CCDC85A: variants seen among roughly 807,000 people sequenced by gnomAD.
CCDC85A encodes the protein coiled-coil domain containing 85A, also known as coiled-coil domain-containing protein 85A.
Under a neutral mutation model 50.2 loss-of-function variants are expected in CCDC85A, and 38 were observed. The ratio of observed to expected loss-of-function variants is 0.76; its 90% CI spans 0.58 to 0.99. CCDC85A has a LOEUF of 0.99. Among genes scored for constraint, CCDC85A ranks in the 50% least tolerant of loss-of-function variants. CCDC85A has a pLI of 0.00. For synonymous variants in CCDC85A, 366 were observed against 301.4 expected (o/e 1.21, Z -2.22); for missense variants, 820 against 742.0 (o/e 1.11, Z -1.22).
intron 2 of CCDC85A, among the ~76,000 whole-genome samples, chr2:56,276,932 C>T (rs1030105671): frequency 2.6e-5 from 4 of 152,124 alleles, no homozygotes; most frequent in Admixed American, 2.0e-4. Flanking sequence ...AGCATCTAGC[C>T]AGTGCTAACT....
intron 1 of CCDC85A, 142 bp downstream of exon 1, chr2:56,185,042 C>T (rs1675947965): frequency 1.9e-6 from 2 of 1,031,402 alleles, no homozygotes; most frequent in African/African-American, 1.7e-5. Flanking sequence ...ACCCCCAGTC[C>T]CCAGCCCCTG....
At chr2:56,272,411 C>G (rs993117942) in intron 2 of CCDC85A, among the ~76,000 whole-genome samples, 1 of 152,108 alleles carries the variant, frequency 6.6e-6, no homozygotes, top group Non-Finnish European at 1.5e-5. Context: ...CAAGTCTGAA[C>G]ACTCCCCAAA....
At chr2:56,372,561 G>A (rs1449410636) in intron 4 of CCDC85A, 83 bp downstream of exon 4, 2 of 1,357,468 alleles carry the variant, frequency 1.5e-6, no homozygotes, top group Non-Finnish European at 1.9e-6. Context: ...TTATACTGGG[G>A]GGTAGAAAAC....
chr2:56,271,844 A>G (rs942726026), intron 2 of CCDC85A, among the ~76,000 whole-genome samples: 1 of 152,186 alleles, frequency 6.6e-6, no homozygotes, highest in African/African-American at 2.4e-5. Flanking sequence ...TAGTCGTATC[A>G]GTAGCTTTCT....
rs372078630 is a variant in CCDC85A, at chr2:56,294,983, G to T, written c.1241-47896G>T. 7.9e-4 allele frequency among the ~76,000 whole-genome samples: 120 copies of T among 152,284 alleles called. 2 individuals carry two copies. The South Asian group carries it at 0.012, about 16-fold the overall frequency. On this transcript the variant is annotated intron_variant, in intron 2 of 5. Coordinates refer to ENST00000407595, the MANE Select transcript of CCDC85A (RefSeq NM_001080433.2). ...CTGAGGACTAAATACATGATAGCAT[G>T]AACTAAAGTCATTGAATTGTCTGCA...
chr2:56,205,195 G>A (rs1050822664), intron 2 of CCDC85A, among the ~76,000 whole-genome samples: 1 of 152,122 alleles, frequency 6.6e-6, no homozygotes, highest in East Asian at 1.9e-4. Flanking sequence ...AGATGGGAGA[G>A]TGTGGCTTAT....
intron 5 of CCDC85A, among the ~76,000 whole-genome samples, chr2:56,376,146 G>A (rs1475749551): frequency 7.2e-6 from 1 of 138,060 alleles, no homozygotes. Context: ...TGAATCTCTA[G>A]TTTTATCGTT....
intron 4 of CCDC85A, among the ~76,000 whole-genome samples, chr2:56,375,062 G>C (rs1558665414): frequency 6.6e-6 from 1 of 152,126 alleles, no homozygotes; most frequent in South Asian, 2.1e-4. Flanking sequence ...GTAGATAACT[G>C]ATACTCTCTT....
At chr2:56,271,674 C>A (rs1296185586) in intron 2 of CCDC85A, among the ~76,000 whole-genome samples, 2 of 152,152 alleles carry the variant, frequency 1.3e-5, no homozygotes, top group Non-Finnish European at 2.9e-5. Flanking sequence ...AGGAGGTCTC[C>A]GTTGCTGAAC....
At chr2:56,263,155 A>C (rs1362134254) in intron 2 of CCDC85A, among the ~76,000 whole-genome samples, 1 of 152,218 alleles carries the variant, frequency 6.6e-6, no homozygotes, top group Non-Finnish European at 1.5e-5. Flanking sequence ...GAAATACAGT[A>C]TAATCCTAAA....
At chr2:56,321,803 A>G (rs868861707) in intron 2 of CCDC85A, among the ~76,000 whole-genome samples, 2 of 152,216 alleles carry the variant, frequency 1.3e-5, no homozygotes, top group Non-Finnish European at 2.9e-5. Flanking sequence ...TTTAAAGTTC[A>G]TATGGAACCA....
At chr2:56,202,406 A>G (rs1484972930) in intron 2 of CCDC85A, among the ~76,000 whole-genome samples, 1 of 152,168 alleles carries the variant, frequency 6.6e-6, no homozygotes, top group African/African-American at 2.4e-5. Flanking sequence ...TCCTTACCCC[A>G]AGGCCATATT....
At chr2:56,309,848 G>A (rs1307460465) in intron 2 of CCDC85A, among the ~76,000 whole-genome samples, 3 of 152,154 alleles carry the variant, frequency 2.0e-5, no homozygotes, top group Non-Finnish European at 4.4e-5. Context: ...ATCACAGCAT[G>A]GTTGGCTGAA....
intron 3 of CCDC85A, among the ~76,000 whole-genome samples, chr2:56,348,781 C>T (rs1477761466): frequency 6.6e-6 from 1 of 152,202 alleles, no homozygotes; most frequent in Non-Finnish European, 1.5e-5. Context: ...GGAGGCTTCT[C>T]TCAGACTCAT....
intron 2 of CCDC85A, among the ~76,000 whole-genome samples, chr2:56,313,122 T>C (rs1473611559): frequency 6.6e-6 from 1 of 152,168 alleles, no homozygotes; most frequent in Non-Finnish European, 1.5e-5. Flanking sequence ...TGAGGAATTA[T>C]ATTGTCCTGA....
At chr2:56,284,843 A>G (rs768580804) in intron 2 of CCDC85A, among the ~76,000 whole-genome samples, 1 of 152,194 alleles carries the variant, frequency 6.6e-6, no homozygotes, top group Non-Finnish European at 1.5e-5. Context: ...TTTAATCATT[A>G]TGAATTGTCT....
chr2:56,240,221 C>T (rs553775046), intron 2 of CCDC85A, among the ~76,000 whole-genome samples: 18 of 152,252 alleles, frequency 1.2e-4, no homozygotes, highest in South Asian at 2.1e-4. Flanking sequence ...TTGAAGTCTT[C>T]GTTTGCATAG....
intron 2 of CCDC85A, among the ~76,000 whole-genome samples, chr2:56,223,307 T>C (rs965437842): frequency 6.6e-6 from 1 of 152,174 alleles, no homozygotes; most frequent in African/African-American, 2.4e-5. Context: ...TTCTGTGCTG[T>C]GTATGTCTCT....
At chr2:56,331,016 T>C (rs1371597684) in intron 2 of CCDC85A, among the ~76,000 whole-genome samples, 1 of 152,192 alleles carries the variant, frequency 6.6e-6, no homozygotes, top group East Asian at 1.9e-4. Context: ...ATGTGGTATA[T>C]GTATAGACAC....
Sources: gnomAD v4.1 joint callset for allele counts (sites outside exome capture counted in the v4.1 genomes callset) on GRCh38, gnomAD v4.1.1 for gene constraint, MANE v1.5 for transcripts, NCBI Gene and HGNC (gene_info 2026-07-23, HGNC 2026-07-21) for gene names.